STUM: variants seen among roughly 807,000 people sequenced by gnomAD.
STUM encodes protein stum homolog.
Under a neutral mutation model 15.3 loss-of-function variants are expected in STUM, and 8 were observed. That is an observed-to-expected ratio of 0.52 (90% CI 0.31 to 0.94). The LOEUF (loss-of-function observed/expected upper bound fraction) is 0.94. Ranked by LOEUF, STUM falls within the 40% of genes least tolerant of loss-of-function variation. STUM has a pLI of 0.05. For missense variants in STUM, 142 were observed against 204.9 expected, an observed-to-expected ratio of 0.69 and a Z score of 1.87; for synonymous variants, 78 against 88.7, an observed-to-expected ratio of 0.88 and a Z score of 0.68.
At chr1:226,569,969 C>G (rs1438913855) in intron 1 of STUM, among the ~76,000 whole-genome samples, 2 of 152,166 alleles carry the variant, frequency 1.3e-5, no homozygotes, top group African/African-American at 4.8e-5. Context: ...AAAAGAGCCT[C>G]CAAGACAGGC....
At chr1:226,579,904 G>A (rs940768294) in intron 1 of STUM, among the ~76,000 whole-genome samples, 1 of 152,136 alleles carries the variant, frequency 6.6e-6, no homozygotes, top group Non-Finnish European at 1.5e-5. Flanking sequence ...GATTACAGGC[G>A]TGAGCCACCC....
At chr1:226,571,644 CTTT>C (rs561646594) in intron 1 of STUM, among the ~76,000 whole-genome samples, 18 of 144,832 alleles carry the variant, frequency 1.2e-4, no homozygotes, top group Non-Finnish European at 1.7e-4. Flanking sequence ...TCTTCTTCTT[CTTT>C]TTTTTTTTTG....
At chr1:226,592,940 C>G (rs1199683692) in intron 1 of STUM, among the ~76,000 whole-genome samples, 1 of 152,210 alleles carries the variant, frequency 6.6e-6, no homozygotes, top group Non-Finnish European at 1.5e-5. Flanking sequence ...AATCCCAGCA[C>G]TTTGGGAGGC....
chr1:226,596,004 G>A (rs922470297), intron 1 of STUM, among the ~76,000 whole-genome samples: 3 of 152,174 alleles, frequency 2.0e-5, no homozygotes, highest in African/African-American at 7.2e-5. Flanking sequence ...TTCTCTGCAC[G>A]GTTGTTGTCA....
At chr1:226,594,213 A>G (rs1179676891) in intron 1 of STUM, among the ~76,000 whole-genome samples, 1 of 152,214 alleles carries the variant, frequency 6.6e-6, no homozygotes, top group Non-Finnish European at 1.5e-5. Context: ...TGTAGGAGCC[A>G]GCGAGTTGGG....
chr1:226,598,576 A>G (rs541401489), intron 2 of STUM, among the ~76,000 whole-genome samples: 2 of 152,344 alleles, frequency 1.3e-5, no homozygotes, highest in African/African-American at 4.8e-5. Context: ...AACTCCCTTC[A>G]TCATGCCTAG....
chr1:226,574,707 A>G (rs1667775685), intron 1 of STUM, among the ~76,000 whole-genome samples: 1 of 152,234 alleles, frequency 6.6e-6, no homozygotes, highest in Non-Finnish European at 1.5e-5. Context: ...GTGACGGGTG[A>G]CCAGGCCTGT....
At chr1:226,597,978 A>G (rs1668210618) in intron 2 of STUM, among the ~76,000 whole-genome samples, 1 of 152,212 alleles carries the variant, frequency 6.6e-6, no homozygotes, top group Admixed American at 6.5e-5. Flanking sequence ...TGAGCTGGGA[A>G]GCAGCAGGGA....
chr1:226,571,851 T>C (rs975146886), intron 1 of STUM, among the ~76,000 whole-genome samples: 4 of 152,082 alleles, frequency 2.6e-5, no homozygotes, highest in African/African-American at 4.8e-5. Flanking sequence ...TGTTGATTAG[T>C]CTGGTCTCGA....
rs373649817 is a variant in STUM at position 226,602,046 on chromosome 1, C to T, written c.*6C>T. The stretch of plus-strand genomic sequence containing the variant: ...GCATCCCACAGCAGCTGTGAGCCCA[C>T]GGGAGCCGCTGGGGAGATCCAGGGG... On this transcript the variant is annotated 3_prime_UTR_variant, in exon 4 of 4. Transcript: ENST00000366788. 1.1e-5 allele frequency: 18 copies of T among 1,605,656 alleles called. No individual in the cohort carries two copies. Among genetic ancestry groups the T allele is most frequent in the African/African-American group, 6.7e-5 (5 of 74,936 alleles).
In STUM at chr1:226,549,818, T is replaced by G. The variant is rs959735123; in HGVS notation, c.202+712T>G. 1.3e-5 allele frequency among the ~76,000 whole-genome samples: 2 copies of G among 152,182 alleles called. No individual in the cohort carries two copies. The highest frequency in any genetic ancestry group is 4.8e-5 in the African/African-American group (2 of 41,446). ...TCCTGAGAAGTAGAGAGTGCGCCGA[T>G]GTAATTCTGTGCAGGACTCCGGCAG... is the stretch of plus-strand genomic sequence containing the variant. On this transcript the variant is annotated intron_variant, in intron 1 of 3. Transcript: ENST00000366788. This position sits in a 1 kb window ranked among gnomAD's most constrained non-coding sequence, Gnocchi z 6.8.
chr1:226,557,612 C>T (rs1667467278), intron 1 of STUM, among the ~76,000 whole-genome samples: 1 of 152,200 alleles, frequency 6.6e-6, no homozygotes. Flanking sequence ...TACAAGGGTT[C>T]CCCTTTTCTC....
At chr1:226,591,881 G>A (rs1668091162) in intron 1 of STUM, among the ~76,000 whole-genome samples, 1 of 152,050 alleles carries the variant, frequency 6.6e-6, no homozygotes, top group African/African-American at 2.4e-5. Context: ...GCCACAAAGA[G>A]GGTCACTGGG....
At position 226,605,124 on chromosome 1, in the gene STUM, G is replaced by A. The variant is rs1668335883; in HGVS notation, c.*3084G>A. 1 of 152,220 alleles carries A rather than the reference G, an allele frequency of 6.6e-6. No homozygotes were observed. 9.4% of individuals were successfully genotyped at this position (152,220 alleles called of 1,614,324 possible). ...GGAGTCTGATGGCTCTGCTGCCAGAGCCTACCCCAGCCTGCCACGCCGCTG... is the reference window on the plus strand; with the variant it reads ...GGAGTCTGATGGCTCTGCTGCCAGAACCTACCCCAGCCTGCCACGCCGCTG... On this transcript the variant is annotated 3_prime_UTR_variant, in exon 4 of 4. Coordinates refer to ENST00000366788, the MANE Select transcript of STUM (RefSeq NM_001003665.4). This position sits in a 1 kb window ranked among gnomAD's most constrained non-coding sequence, Gnocchi z 4.0.
intron 1 of STUM, among the ~76,000 whole-genome samples, chr1:226,556,950 A>G (rs1166467547): frequency 2.6e-5 from 4 of 152,264 alleles, no homozygotes; most frequent in African/African-American, 9.6e-5. Flanking sequence ...TAATGTATCC[A>G]TCATCTCAAA....
chr1:226,553,420 T>C (rs536224406), intron 1 of STUM, among the ~76,000 whole-genome samples: 66 of 152,116 alleles, frequency 4.3e-4, no homozygotes, highest in African/African-American at 1.5e-3. Flanking sequence ...AGCATTAAGA[T>C]CCAAAATTGA....
chr1:226,558,652 A>T (rs890171813), intron 1 of STUM, among the ~76,000 whole-genome samples: 4 of 152,216 alleles, frequency 2.6e-5, no homozygotes, highest in African/African-American at 7.2e-5. Context: ...TGTGGGGAAC[A>T]TCAAAGTGTG....
At chr1:226,561,198 G>A (rs1667535518) in intron 1 of STUM, among the ~76,000 whole-genome samples, 1 of 152,128 alleles carries the variant, frequency 6.6e-6, no homozygotes, top group African/African-American at 2.4e-5. Context: ...ATGGGAAATC[G>A]TCTCCTTGAG....
At chr1:226,575,634 T>C (rs574420978) in intron 1 of STUM, among the ~76,000 whole-genome samples, 50 of 152,322 alleles carry the variant, frequency 3.3e-4, no homozygotes, top group African/African-American at 1.2e-3. Context: ...AACATGAAGG[T>C]GTTTCTTGGT....
Sources: gnomAD v4.1 joint callset for allele counts (sites outside exome capture counted in the v4.1 genomes callset) on GRCh38, gnomAD v4.1.1 for gene constraint, Gnocchi (gnomAD v3.1) non-coding constraint, MANE v1.5 for transcripts, NCBI Gene and HGNC (gene_info 2026-07-23, HGNC 2026-07-21) for gene names.